RLN3: variants seen among roughly 807,000 people sequenced by gnomAD.
The protein encoded by RLN3 is relaxin-3.
RLN3 carries 13 observed loss-of-function variants against 10.2 expected under a neutral mutation model. The ratio of observed to expected loss-of-function variants is 1.28; its 90% CI spans 0.83 to 2.03. The LOEUF (loss-of-function observed/expected upper bound fraction) is 2.03. Among genes scored for constraint, RLN3 ranks in the 30% most tolerant of loss-of-function variants. The probability of loss-of-function intolerance (pLI) is 0.00; values close to 1 mark genes in which losing one functional copy is unlikely to be tolerated. For missense variants in RLN3, 191 were observed against 187.2 expected (o/e 1.02, Z -0.12); for synonymous variants, 56 against 79.2 (o/e 0.71, Z 1.56).
chr19:14,030,714 TAC>T lies in RLN3; in HGVS notation c.196_197del (p.Thr66LeufsTer7). 2 of 1,614,060 alleles carry T rather than the reference TAC, an allele frequency of 1.2e-6. No homozygotes were observed. The highest frequency in any genetic ancestry group is 1.7e-6 in the Non-Finnish European group (2 of 1,179,882). ...AACTCTGTTCATCTTTTGCAGGAGA[TAC>T]CTTCCCGGATGCAGATGCTGATGAA... The part of the protein sequence containing the change: ...DILAHEAMGD[T>X]FPDADADEDS... On this transcript the variant is annotated frameshift_variant, in exon 2 of 2. Coordinates refer to ENST00000431365, the MANE Select transcript of RLN3 (RefSeq NM_080864.4). LOFTEE classifies it low-confidence loss of function (END_TRUNC).
Position 14,028,409 on chromosome 19 carries a change from A to C in RLN3, c.190+15A>C. 1 of 1,600,006 alleles carries C rather than the reference A, an allele frequency of 6.2e-7. No individual in the cohort carries two copies. Among genetic ancestry groups the C allele is most frequent in the Non-Finnish European group, 8.5e-7 (1 of 1,172,752 alleles). On this transcript the variant is annotated intron_variant, in intron 1 of 1. Transcript: ENST00000431365. The stretch of plus-strand genomic sequence containing the variant: ...CGAGGCTATGGGTGAGGCTGGGGAG[A>C]GAGTGGATGTAGAAGGGGAACAGGT...
Position 14,030,995 on chromosome 19 carries a change from T to C in RLN3, c.*47T>C. 7.8e-7 allele frequency: 1 copy of C among 1,280,590 alleles called. No individual in the cohort carries two copies. Among genetic ancestry groups the C allele is most frequent in the Non-Finnish European group, 1.1e-6 (1 of 917,456 alleles). The allele number at this position is 1,280,590 out of a possible 1,614,324, so 79.3% of individuals were successfully genotyped here. On this transcript the variant is annotated 3_prime_UTR_variant, in exon 2 of 2. Coordinates refer to ENST00000431365, the MANE Select transcript of RLN3 (RefSeq NM_080864.4). ...GGCACCAGGACCAATGCCCCAGTCC[T>C]GCCATCCACTCAACTAGTGTCTGGC... is the stretch of plus-strand genomic sequence containing the variant.
intron 1 of RLN3, chr19:14,030,496 A>G (rs1417146564): frequency 1.5e-6 from 1 of 647,566 alleles, no homozygotes; most frequent in African/African-American, 1.8e-5. Flanking sequence ...CCATCTCTAT[A>G]ACAATACAAA....
In RLN3 at chr19:14,031,151, G is replaced by A; in HGVS notation, c.*203G>A. 1 of 559,488 alleles carries A rather than the reference G, an allele frequency of 1.8e-6. No individual in the cohort carries two copies. The highest frequency in any genetic ancestry group is 3.2e-6 in the Non-Finnish European group (1 of 316,486). The allele number at this position is 559,488 out of a possible 1,614,324, so 34.7% of individuals were successfully genotyped here. On this transcript the variant is annotated 3_prime_UTR_variant, in exon 2 of 2. Transcript: ENST00000431365. Reference sequence around the variant, plus strand: ...CCTTTGACCAGCCTATCATGACCCTGGCCCCTAAGGAAGCTGTGCCCCTGC... The same window carrying A: ...CCTTTGACCAGCCTATCATGACCCTAGCCCCTAAGGAAGCTGTGCCCCTGC...
At position 14,028,180 on chromosome 19, in the gene RLN3, C is replaced by CA. The variant is rs1975743158; in HGVS notation, c.-24dup. ...GGCAGCAGAGACACTGGCCCACTCT[C>CA]ACGTTCAAAGCATCTCCGTCCAGCA... is the stretch of plus-strand genomic sequence containing the variant. On this transcript the variant is annotated 5_prime_UTR_variant, in exon 1 of 2. Transcript: ENST00000431365. 2.6e-6 allele frequency: 4 copies of CA among 1,533,206 alleles called. No individual in the cohort carries two copies. In the African/African-American group the frequency reaches 4.1e-5, roughly 16 times the overall value. 95.0% of individuals were successfully genotyped at this position (1,533,206 alleles called of 1,614,324 possible).
At chr19:14,029,079 A>G (rs1975759556) in intron 1 of RLN3, among the ~76,000 whole-genome samples, 2 of 152,080 alleles carry the variant, frequency 1.3e-5, no homozygotes, top group South Asian at 4.2e-4. Flanking sequence ...TTTATCTTCA[A>G]ATGGGAGACA....
In RLN3 at chr19:14,029,440, C is replaced by T. The variant is rs997182651; in HGVS notation, c.190+1046C>T. On this transcript the variant is annotated intron_variant, in intron 1 of 1. Coordinates refer to ENST00000431365, the MANE Select transcript of RLN3 (RefSeq NM_080864.4). ...AATCTTGGCTCACTGTAACCTCCAT[C>T]ACCTGGGTTCAAGCGATTCTCGTGC... Among the ~76,000 whole-genome samples the T allele has an allele frequency of 5.3e-5, 8 of 151,742 alleles. 1 individual carries two copies. The highest frequency in any genetic ancestry group is 1.9e-4 in the African/African-American group (8 of 41,372).
At chr19:14,028,943 T>A (rs1425685769) in intron 1 of RLN3, among the ~76,000 whole-genome samples, 1 of 151,988 alleles carries the variant, frequency 6.6e-6, no homozygotes, top group African/African-American at 2.4e-5. Context: ...CCTGGCTAGT[T>A]TTAAATTTTT....
rs1249976887 is a variant in RLN3 at position 14,030,677 on chromosome 19, G to A, written c.191-33G>A. The A allele has an allele frequency of 1.9e-6, 3 of 1,567,836 alleles. No individual in the cohort carries two copies. In the Admixed American group the frequency reaches 5.0e-5, roughly 26 times the overall value. ...TGACTGTGGGTGCAGCAGCAGCTGA[G>A]CCCTGATCACTAACTCTGTTCATCT... On this transcript the variant is annotated intron_variant, in intron 1 of 1. Coordinates refer to ENST00000431365, the MANE Select transcript of RLN3 (RefSeq NM_080864.4).
Position 14,028,232 on chromosome 19 carries a change from C to A in RLN3, c.28C>A (p.Leu10Met). 1 of 1,606,170 alleles carries A rather than the reference C, an allele frequency of 6.2e-7. No individual in the cohort carries two copies. The highest frequency in any genetic ancestry group is 1.1e-5 in the South Asian group (1 of 90,244). The change falls in exon 1 of 2, where the codon CTG becomes ATG. Residue 10 changes from leucine (L) to methionine (M), a missense_variant. Transcript: ENST00000431365. The stretch of plus-strand genomic sequence containing the variant: ...GGCCAGGTACATGCTGCTGCTGCTC[C>A]TGGCGGTATGGGTGCTGACCGGGGA... MARYMLLLLLAVWVLTGELW... is the reference protein window; with the variant it reads MARYMLLLLMAVWVLTGELW...
In RLN3 at chr19:14,031,268, C is replaced by T. The variant is rs1975802904; in HGVS notation, c.*320C>T. The T allele has an allele frequency of 6.3e-6, 2 of 316,602 alleles. No homozygotes were observed. The highest frequency in any genetic ancestry group is 1.2e-5 in the Non-Finnish European group (2 of 171,028). The allele number at this position is 316,602 out of a possible 1,614,324, so 19.6% of individuals were successfully genotyped here. ...TGGCCTACACACTCCACTGCCACAA[C>T]TGGGTCCCTACTCTACCTAGGCTGG... On this transcript the variant is annotated 3_prime_UTR_variant, in exon 2 of 2. Coordinates refer to ENST00000431365, the MANE Select transcript of RLN3 (RefSeq NM_080864.4).
chr19:14,028,575 G>A (rs1198500515), intron 1 of RLN3, among the ~76,000 whole-genome samples, 181 bp downstream of exon 1: 1 of 152,044 alleles, frequency 6.6e-6, no homozygotes, highest in African/African-American at 2.4e-5. Flanking sequence ...CTGCAGAGCT[G>A]GGATGGGGTG....
At position 14,030,715 on chromosome 19, in the gene RLN3, A is replaced by G. The variant is rs752016405; in HGVS notation, c.196A>G (p.Thr66Ala). 13 of 1,613,944 alleles carry G rather than the reference A, an allele frequency of 8.1e-6. No homozygotes were observed. Among genetic ancestry groups the G allele is most frequent in the Middle Eastern group, 3.3e-4 (2 of 6,084 alleles). ...ACTCTGTTCATCTTTTGCAGGAGAT[A>G]CCTTCCCGGATGCAGATGCTGATGA... Reference protein sequence around the residue: ...DILAHEAMGDTFPDADADEDS... With the variant: ...DILAHEAMGDAFPDADADEDS... The change falls in exon 2 of 2, where the codon ACC becomes GCC. Residue 66 changes from threonine to alanine, a missense_variant. Thr to Ala is a moderately conservative substitution (Grantham distance 58, BLOSUM62 0). Transcript: ENST00000431365.
chr19:14,030,389 G>A (rs1200036032), intron 1 of RLN3: 1 of 702,090 alleles, frequency 1.4e-6, no homozygotes, highest in African/African-American at 1.7e-5. Flanking sequence ...GCTGGGTGCG[G>A]TGGCTCACGC....
intron 1 of RLN3, among the ~76,000 whole-genome samples, chr19:14,028,969 G>C (rs1341206693): frequency 6.6e-6 from 1 of 151,910 alleles, no homozygotes; most frequent in African/African-American, 2.4e-5. Flanking sequence ...GTAGAAACAG[G>C]GGTCTCACTA....
Position 14,030,956 on chromosome 19 carries a change from G to T in RLN3, c.*8G>T. The T allele has an allele frequency of 6.5e-7, 1 of 1,541,402 alleles. No individual in the cohort carries two copies. The highest frequency in any genetic ancestry group is 8.8e-7 in the Non-Finnish European group (1 of 1,139,750). On this transcript the variant is annotated 3_prime_UTR_variant, in exon 2 of 2. Transcript: ENST00000431365. Reference sequence around the variant, plus strand: ...ATCAGTAGCCTTTGCTAGTTTGAGGGCTGGGCAGCCGTGGGCACCAGGACC... The same window carrying T: ...ATCAGTAGCCTTTGCTAGTTTGAGGTCTGGGCAGCCGTGGGCACCAGGACC...
rs1352761222 is a variant in RLN3 at position 14,030,593 on chromosome 19, A to G, written c.191-117A>G. On this transcript the variant is annotated intron_variant, in intron 1 of 1. Coordinates refer to ENST00000431365, the MANE Select transcript of RLN3 (RefSeq NM_080864.4). ...GAACCCAGGACTGGGTGGAATAAAA[A>G]CTCTGAACTATGTCTATGACTGTTG... 7 of 950,682 alleles carry G rather than the reference A, an allele frequency of 7.4e-6. No individual in the cohort carries two copies. The East Asian group carries it at 1.7e-4, about 23-fold the overall frequency. The allele number at this position is 950,682 out of a possible 1,614,324, so 58.9% of individuals were successfully genotyped here. A position where few individuals can be genotyped will look rare whatever the true frequency, so the allele number is the denominator to read the frequency against.
intron 1 of RLN3, 116 bp downstream of exon 1, chr19:14,028,510 A>G (rs923746203): frequency 3.3e-5 from 29 of 892,034 alleles, no homozygotes; most frequent in Admixed American, 3.2e-4. Context: ...GTCCTGCCAC[A>G]TTCAGCCAGG....
chr19:14,031,529 ATAATAAAAAT>A lies in RLN3; in HGVS notation c.*583_*592del. The A allele has an allele frequency of 2.9e-6, 1 of 345,726 alleles. No homozygotes were observed. Among genetic ancestry groups the A allele is most frequent in the Non-Finnish European group, 5.3e-6 (1 of 189,014 alleles). The allele number at this position is 345,726 out of a possible 1,614,324, so 21.4% of individuals were successfully genotyped here. A position where few individuals can be genotyped will look rare whatever the true frequency, so the allele number is the denominator to read the frequency against. ...CACATTCGAATCTTCCCAAACTCCA[ATAATAAAAAT>A]TCGAAGACTTTGGCAGAGAGTGTGT... On this transcript the variant is annotated 3_prime_UTR_variant, in exon 2 of 2. Coordinates refer to ENST00000431365, the MANE Select transcript of RLN3 (RefSeq NM_080864.4).
Sources: allele counts gnomAD v4.1 joint callset (sites outside exome capture counted in the v4.1 genomes callset), GRCh38; gene constraint gnomAD v4.1.1; transcripts MANE v1.5; gene names NCBI Gene and HGNC (gene_info 2026-07-23, HGNC 2026-07-21).